The following EXT2 variants were observed in gnomAD, a reference collection of about 807,000 sequenced individuals.
EXT2 encodes the protein exostosin-2.
In EXT2, 53 loss-of-function variants were observed where a neutral mutation model predicts 81.6. The observed-to-expected ratio is 0.65, with a 90% CI of 0.52 to 0.82. The LOEUF (loss-of-function observed/expected upper bound fraction) is 0.82, where lower values mean the gene tolerates loss of function less well. EXT2 is among the 40% of genes least tolerant of loss of function. The probability of loss-of-function intolerance (pLI) is 0.00; values close to 1 mark genes in which losing one functional copy is unlikely to be tolerated. For missense variants in EXT2, 774 were observed against 910.2 expected (o/e 0.85, Z 1.93); for synonymous variants, 320 against 340.0 (o/e 0.94, Z 0.65).
chr11:44,140,274 G>A (rs891671985), intron 7 of EXT2, among the ~76,000 whole-genome samples: 2 of 152,100 alleles, frequency 1.3e-5, no homozygotes, highest in Non-Finnish European at 1.5e-5. Context: ...CTCTGCCTCC[G>A]CAGCATCACT....
At chr11:44,167,886 C>G (rs559068222) in intron 7 of EXT2, among the ~76,000 whole-genome samples, 2 of 151,924 alleles carry the variant, frequency 1.3e-5, no homozygotes, top group African/African-American at 4.8e-5. Flanking sequence ...CATATGTATA[C>G]GTGTGCCATG....
At chr11:44,204,919 G>C (rs1002900833) in intron 9 of EXT2, among the ~76,000 whole-genome samples, 1 of 152,044 alleles carries the variant, frequency 6.6e-6, no homozygotes, top group South Asian at 2.1e-4. Flanking sequence ...TGTATGACAG[G>C]GATTTTATTT....
chr11:44,124,820 G>A lies in EXT2; in HGVS notation c.775G>A (p.Val259Met). 1 of 1,614,024 alleles carries A rather than the reference G, an allele frequency of 6.2e-7. No individual in the cohort carries two copies. The highest frequency in any genetic ancestry group is 8.5e-7 in the Non-Finnish European group (1 of 1,179,994). Residue 259 changes from valine to methionine, a missense_variant, in exon 5 of 14, where the codon GTG (valine) becomes ATG (methionine). By Grantham distance (21) the Val-to-Met change is conservative (BLOSUM62 1). Coordinates refer to ENST00000533608, the MANE Select transcript of EXT2 (RefSeq NM_207122.2). ...GCAATACTTCCTCCTGTCATCTCAG[G>A]TGGGTCTCCATCCTGAGTACAGAGA... is the stretch of plus-strand genomic sequence containing the variant. ...PRQYFLLSSQVGLHPEYREDL... is the reference protein window; with the variant it reads ...PRQYFLLSSQMGLHPEYREDL...
chr11:44,239,425 A>G (rs1019644530), intron 13 of EXT2, among the ~76,000 whole-genome samples: 6 of 126,482 alleles, frequency 4.7e-5, no homozygotes, highest in Non-Finnish European at 7.9e-5. Context: ...ACATAGTCTC[A>G]CTCTCTTGCC....
At chr11:44,219,468 T>A (rs1224600518) in intron 10 of EXT2, among the ~76,000 whole-genome samples, 2 of 152,142 alleles carry the variant, frequency 1.3e-5, no homozygotes, top group African/African-American at 4.8e-5. Flanking sequence ...CACTCCAGCC[T>A]GGGCAACAAA....
intron 9 of EXT2, among the ~76,000 whole-genome samples, chr11:44,200,009 G>A (rs1056940161): frequency 5.9e-5 from 9 of 152,144 alleles, no homozygotes; most frequent in Non-Finnish European, 2.9e-5. Context: ...CTCTGGCGAT[G>A]TGGTTGTTTG....
chr11:44,180,629 C>T (rs1048459018), intron 8 of EXT2, among the ~76,000 whole-genome samples: 5 of 152,334 alleles, frequency 3.3e-5, no homozygotes, highest in Non-Finnish European at 7.3e-5. Flanking sequence ...CTCCAGGTCT[C>T]CTGTGCAGTG....
chr11:44,118,199 G>T (rs1954249657), intron 4 of EXT2, among the ~76,000 whole-genome samples: 1 of 152,110 alleles, frequency 6.6e-6, no homozygotes, highest in Non-Finnish European at 1.5e-5. Context: ...AAATGAGATT[G>T]CATCTTTAAG....
Position 44,097,761 on chromosome 11 carries a change from A to AAAAT in EXT2, c.-31+1945_-31+1948dup, listed in dbSNP as rs146581535. ...GTGACAGAGCAAGACTCCATCTCAA[A>AAAAT]AAATAAATAAATAAATAAATAAATA... is the stretch of plus-strand genomic sequence containing the variant. On this transcript the variant is annotated intron_variant, in intron 1 of 13. Transcript: ENST00000533608. Among the ~76,000 whole-genome samples, 740 of 110,954 alleles carry AAAAT rather than the reference A, an allele frequency of 6.7e-3. 9 individuals are homozygous for AAAAT. Among genetic ancestry groups the AAAAT allele is most frequent in the Middle Eastern group, 7.8e-3 (2 of 258 alleles). The allele number at this position is 110,954 out of a possible 152,430, so 72.8% of individuals were successfully genotyped here.
At chr11:44,125,976 C>T (rs1314980387) in intron 5 of EXT2, among the ~76,000 whole-genome samples, 1 of 152,162 alleles carries the variant, frequency 6.6e-6, no homozygotes, top group Admixed American at 6.6e-5. Flanking sequence ...TTTGGAATAT[C>T]GAATTCCTTT....
intron 8 of EXT2, among the ~76,000 whole-genome samples, chr11:44,193,702 C>A (rs750794501): frequency 5.3e-5 from 8 of 152,184 alleles, no homozygotes; most frequent in Non-Finnish European, 1.2e-4. Flanking sequence ...TACATACTGC[C>A]TCCTGTGTTC....
At chr11:44,187,745 A>G (rs1955336601) in intron 8 of EXT2, among the ~76,000 whole-genome samples, 1 of 152,178 alleles carries the variant, frequency 6.6e-6, no homozygotes, top group South Asian at 2.1e-4. Context: ...ATTCCTTACA[A>G]CAAAAGGTAG....
intron 7 of EXT2, among the ~76,000 whole-genome samples, chr11:44,147,377 GACACTATCTT>G (rs1954732288): frequency 6.6e-6 from 1 of 152,176 alleles, no homozygotes. Flanking sequence ...AGATTAAGGA[GACACTATCTT>G]ACAGAAGATA....
At chr11:44,171,402 G>A (rs1353684133) in intron 7 of EXT2, among the ~76,000 whole-genome samples, 3 of 152,148 alleles carry the variant, frequency 2.0e-5, no homozygotes, top group Non-Finnish European at 4.4e-5. Flanking sequence ...CATTTCACTT[G>A]CTAACATTTT....
At chr11:44,208,043 C>T (rs1955604663) in intron 10 of EXT2, among the ~76,000 whole-genome samples, 1 of 152,132 alleles carries the variant, frequency 6.6e-6, no homozygotes, top group Non-Finnish European at 1.5e-5. Context: ...GCTAATAAAA[C>T]ATACATTCAT....
intron 10 of EXT2, among the ~76,000 whole-genome samples, chr11:44,210,739 T>A (rs1955637728): frequency 1.3e-5 from 2 of 152,150 alleles, no homozygotes; most frequent in Non-Finnish European, 2.9e-5. Flanking sequence ...ACTGAAATAC[T>A]TGAAAAATAC....
At chr11:44,127,737 T>G (rs1954429702) in intron 6 of EXT2, among the ~76,000 whole-genome samples, 1 of 152,218 alleles carries the variant, frequency 6.6e-6, no homozygotes, top group Non-Finnish European at 1.5e-5. Flanking sequence ...TCTTGGGGAT[T>G]CTGAATGTTA....
intron 9 of EXT2, among the ~76,000 whole-genome samples, chr11:44,201,185 G>C (rs887960303): frequency 1.3e-5 from 2 of 152,196 alleles, no homozygotes; most frequent in African/African-American, 4.8e-5. Flanking sequence ...GAGTAAGGAA[G>C]AAAGACCCCA....
At position 44,106,011 on chromosome 11, in the gene EXT2, C is replaced by T. The variant is rs114910904; in HGVS notation, c.-30-1672C>T. ...CTCCGTGTCCACTGGGGCAGGTTGC[C>T]TTCCACTGGGAGCTCAGCTTCCTTA... On this transcript the variant is annotated intron_variant, in intron 1 of 13. Coordinates refer to ENST00000533608, the MANE Select transcript of EXT2 (RefSeq NM_207122.2). Among the ~76,000 whole-genome samples the T allele has an allele frequency of 1.3e-3, 197 of 152,304 alleles. 2 individuals are homozygous for T. The highest frequency in any genetic ancestry group is 4.5e-3 in the African/African-American group (189 of 41,566).
Sources: gnomAD v4.1 joint callset for allele counts (sites outside exome capture counted in the v4.1 genomes callset) on GRCh38, gnomAD v4.1.1 for gene constraint, MANE v1.5 for transcripts, NCBI Gene and HGNC (gene_info 2026-07-23, HGNC 2026-07-21) for gene names.